Variants in CLOCK observed in about 807,000 individuals in gnomAD.
CLOCK encodes clock circadian regulator.
CLOCK carries 43 observed loss-of-function variants against 118.4 expected under a neutral mutation model. The ratio of observed to expected loss-of-function variants is 0.36; its 90% CI spans 0.28 to 0.47. CLOCK has a LOEUF of 0.47. Among genes scored for constraint, CLOCK ranks in the 20% least tolerant of loss-of-function variants. The probability of loss-of-function intolerance (pLI) is 1.00; values close to 1 mark genes in which losing one functional copy is unlikely to be tolerated. For synonymous variants in CLOCK, 326 were observed against 339.2 expected (o/e 0.96, Z 0.43); for missense variants, 846 against 999.9 (o/e 0.85, Z 2.08).
At chr4:55,498,254 A>C (rs1333477079) in intron 2 of CLOCK, among the ~76,000 whole-genome samples, 1 of 152,208 alleles carries the variant, frequency 6.6e-6, no homozygotes, top group Non-Finnish European at 1.5e-5. Flanking sequence ...TTTGTGCAAT[A>C]ATCATTTCAC....
chr4:55,536,051 C>T (rs1368607560), intron 1 of CLOCK, among the ~76,000 whole-genome samples: 4 of 152,034 alleles, frequency 2.6e-5, no homozygotes, highest in African/African-American at 4.8e-5. Flanking sequence ...AAAAGTTTCA[C>T]GCAAGGACCT....
chr4:55,528,998 G>A (rs1730373647), intron 1 of CLOCK, among the ~76,000 whole-genome samples: 1 of 152,024 alleles, frequency 6.6e-6, no homozygotes, highest in African/African-American at 2.4e-5. Flanking sequence ...TTCCAAGATG[G>A]CAATTAGAAA....
intron 19 of CLOCK, among the ~76,000 whole-genome samples, chr4:55,444,307 T>C (rs185657226): frequency 2.0e-5 from 3 of 152,316 alleles, no homozygotes; most frequent in African/African-American, 7.2e-5. Context: ...TTACTGATGA[T>C]TGATTTATAA....
chr4:55,517,203 T>A (rs549459450), intron 1 of CLOCK, among the ~76,000 whole-genome samples: 1 of 152,318 alleles, frequency 6.6e-6, no homozygotes, highest in South Asian at 2.1e-4. Flanking sequence ...AAACTCCATG[T>A]GATTACTATA....
At chr4:55,534,183 C>T (rs1310818676) in intron 1 of CLOCK, among the ~76,000 whole-genome samples, 1 of 150,136 alleles carries the variant, frequency 6.7e-6, no homozygotes, top group Non-Finnish European at 1.5e-5. Context: ...AGTGGAGCAT[C>T]AGTGCAACAA....
intron 15 of CLOCK, among the ~76,000 whole-genome samples, chr4:55,451,554 C>T (rs561125248): frequency 1.7e-4 from 26 of 152,258 alleles, no homozygotes; most frequent in Non-Finnish European, 3.1e-4. Flanking sequence ...CGTCCCTAAA[C>T]CCCAGGGGGA....
intron 14 of CLOCK, 126 bp from the exon 15 acceptor site, chr4:55,453,255 C>T: frequency 6.4e-6 from 5 of 786,836 alleles, no homozygotes; most frequent in Non-Finnish European, 8.7e-6. Context: ...ATGTGCTACA[C>T]AAACCTAAAA....
At chr4:55,482,070 A>C (rs1177725715) in intron 4 of CLOCK, among the ~76,000 whole-genome samples, 1 of 152,186 alleles carries the variant, frequency 6.6e-6, no homozygotes, top group Non-Finnish European at 1.5e-5. Flanking sequence ...CTAAAATGTA[A>C]AAAACAAAGA....
intron 7 of CLOCK, among the ~76,000 whole-genome samples, chr4:55,474,271 C>T (rs538064431): frequency 4.6e-5 from 7 of 152,292 alleles, no homozygotes; most frequent in Admixed American, 3.9e-4. Flanking sequence ...AAGCCAAAGC[C>T]TAATCCAGAG....
At chr4:55,439,361 T>C (rs937788096) in intron 21 of CLOCK, among the ~76,000 whole-genome samples, 1 of 151,858 alleles carries the variant, frequency 6.6e-6, no homozygotes, top group African/African-American at 2.4e-5. Flanking sequence ...CAAACAACAA[T>C]AGAAAATGAC....
intron 1 of CLOCK, among the ~76,000 whole-genome samples, chr4:55,542,616 T>C (rs774986599): frequency 1.3e-5 from 2 of 151,926 alleles, no homozygotes; most frequent in African/African-American, 2.4e-5. Flanking sequence ...ACCAGAGGGA[T>C]GGATGGAGGA....
chr4:55,530,083 G>A (rs534692953), intron 1 of CLOCK, among the ~76,000 whole-genome samples: 1 of 145,880 alleles, frequency 6.9e-6, no homozygotes, highest in South Asian at 2.3e-4. Flanking sequence ...AATAATAAAA[G>A]AACATTTTCC....
chr4:55,478,555 G>C (rs1432922159), intron 6 of CLOCK, among the ~76,000 whole-genome samples: 1 of 152,120 alleles, frequency 6.6e-6, no homozygotes, highest in Non-Finnish European at 1.5e-5. Context: ...TTGTAATTAT[G>C]TGCTTACATG....
At chr4:55,525,996 G>A (rs1158343140) in intron 1 of CLOCK, among the ~76,000 whole-genome samples, 2 of 151,982 alleles carry the variant, frequency 1.3e-5, no homozygotes, top group African/African-American at 4.8e-5. Flanking sequence ...TCCAAAATAT[G>A]AAACTTTTTG....
chr4:55,512,815 C>T (rs1271720438), intron 1 of CLOCK, among the ~76,000 whole-genome samples: 6 of 152,114 alleles, frequency 3.9e-5, no homozygotes, highest in Non-Finnish European at 7.4e-5. Context: ...TGAAAACTAT[C>T]TTTTCTCCAT....
chr4:55,527,406 C>G (rs1055681574), intron 1 of CLOCK, among the ~76,000 whole-genome samples: 2 of 151,960 alleles, frequency 1.3e-5, no homozygotes, highest in African/African-American at 4.8e-5. Context: ...GCACATTTTG[C>G]TTTCTTAGGA....
intron 2 of CLOCK, among the ~76,000 whole-genome samples, chr4:55,505,179 G>C (rs1310176971): frequency 2.5e-5 from 3 of 121,986 alleles, no homozygotes; most frequent in Admixed American, 8.8e-5. Flanking sequence ...AAAAATCACA[G>C]AACAAGAAAT....
At position 55,540,342 on chromosome 4, in the gene CLOCK, C is replaced by T. The variant is rs139481762; in HGVS notation, c.-290+6440G>A. Among the ~76,000 whole-genome samples the T allele has an allele frequency of 5.8e-4, 74 of 127,500 alleles. No homozygotes were observed. The East Asian group carries it at 0.016, about 27-fold the overall frequency. The allele number at this position is 127,500 out of a possible 152,430, so 83.6% of individuals were successfully genotyped here. ...ATCTATGCTTTCTTACTGTTTCCCA[C>T]ATTAGGGATGTGCTATTTTTTAATT... On this transcript the variant is annotated intron_variant, in intron 1 of 22. Transcript: ENST00000513440.
intron 1 of CLOCK, among the ~76,000 whole-genome samples, chr4:55,523,130 C>T (rs1360745565): frequency 7.9e-6 from 1 of 126,584 alleles, no homozygotes; most frequent in Non-Finnish European, 1.6e-5. Flanking sequence ...CCCGTCTCTA[C>T]TAAAAATTAA....
Sources: gnomAD v4.1 joint callset for allele counts (sites outside exome capture counted in the v4.1 genomes callset) on GRCh38, gnomAD v4.1.1 for gene constraint, MANE v1.5 for transcripts, NCBI Gene and HGNC (gene_info 2026-07-23, HGNC 2026-07-21) for gene names.